FRMD4A: variants seen among roughly 807,000 people sequenced by gnomAD.
FRMD4A encodes FERM domain containing 4A.
A neutral mutation model predicts 129.1 loss-of-function variants in FRMD4A; 29 were observed. The observed-to-expected ratio is 0.22, with a 90% CI of 0.17 to 0.31. FRMD4A has a LOEUF of 0.31. Ranked by LOEUF, FRMD4A falls within the 10% of genes least tolerant of loss-of-function variation. The probability of loss-of-function intolerance (pLI) is 1.00; values close to 1 mark genes in which losing one functional copy is unlikely to be tolerated. For synonymous variants in FRMD4A, 634 were observed against 571.6 expected (o/e 1.11, Z -1.56); for missense variants, 1,272 against 1,375.8 (o/e 0.92, Z 1.19).
At chr10:14,281,076 T>A (rs889148600) in intron 2 of FRMD4A, among the ~76,000 whole-genome samples, 1 of 126,606 alleles carries the variant, frequency 7.9e-6, no homozygotes, top group Non-Finnish European at 1.6e-5. Context: ...CACCACAACC[T>A]CCACCTCCTG....
intron 2 of FRMD4A, among the ~76,000 whole-genome samples, chr10:14,310,899 T>C (rs1188601428): frequency 1.3e-5 from 2 of 152,284 alleles, no homozygotes; most frequent in East Asian, 3.9e-4. Flanking sequence ...TGTTAAACTT[T>C]CTGCTCTTAA....
chr10:14,092,315 A>C lies in FRMD4A; in HGVS notation c.46-233403T>G, dbSNP rs138349088. Among the ~76,000 whole-genome samples the C allele has an allele frequency of 4.4e-3, 673 of 152,328 alleles. 3 individuals carry two copies. Among genetic ancestry groups the C allele is most frequent in the African/African-American group, 0.015 (637 of 41,576 alleles). On this transcript the variant is annotated intron_variant, in intron 2 of 24. Transcript: ENST00000357447. ...AGCATCAACCTGCCTATGGACAGTG[A>C]TTGAAAGCATTTCACTCCAAATTGA...
At chr10:14,203,956 G>T (rs1043069076) in intron 2 of FRMD4A, among the ~76,000 whole-genome samples, 2 of 152,222 alleles carry the variant, frequency 1.3e-5, no homozygotes, top group Non-Finnish European at 2.9e-5. Context: ...CCAACAGATT[G>T]TCAGTAACAA....
At chr10:13,776,446 A>G (rs2092598641) in intron 6 of FRMD4A, among the ~76,000 whole-genome samples, 1 of 152,214 alleles carries the variant, frequency 6.6e-6, no homozygotes, top group African/African-American at 2.4e-5. Flanking sequence ...TCAACAACCT[A>G]AAAGTGAATC....
chr10:13,715,084 C>T (rs546551171), intron 12 of FRMD4A, among the ~76,000 whole-genome samples: 10 of 152,160 alleles, frequency 6.6e-5, no homozygotes, highest in African/African-American at 2.2e-4. Flanking sequence ...CGCGCTGCCT[C>T]ATTCACATAT....
chr10:13,770,180 G>A (rs1000874672), intron 6 of FRMD4A, among the ~76,000 whole-genome samples: 10 of 152,020 alleles, frequency 6.6e-5, no homozygotes, highest in Non-Finnish European at 1.2e-4. Flanking sequence ...ATTTGCCCCC[G>A]GGGCAAACAG....
At chr10:14,044,462 G>C (rs779202512) in intron 2 of FRMD4A, among the ~76,000 whole-genome samples, 11 of 152,210 alleles carry the variant, frequency 7.2e-5, no homozygotes, top group Non-Finnish European at 1.5e-4. Flanking sequence ...TCCTGGATTA[G>C]GGTGGGCCCT....
At chr10:14,168,031 C>G (rs1571139) in intron 2 of FRMD4A, among the ~76,000 whole-genome samples, 1 of 152,184 alleles carries the variant, frequency 6.6e-6, no homozygotes, top group Non-Finnish European at 1.5e-5. Context: ...AGGACCAAGA[C>G]TCTTCACTTT....
chr10:13,919,492 T>A (rs12763002), intron 2 of FRMD4A, among the ~76,000 whole-genome samples: 13,134 of 152,162 alleles, frequency 0.086, 673 homozygotes, highest in East Asian at 0.25. Flanking sequence ...TGCTTCATAG[T>A]GAGATTATAT....
chr10:14,210,859 C>G (rs1564389873), intron 2 of FRMD4A, among the ~76,000 whole-genome samples: 1 of 152,216 alleles, frequency 6.6e-6, no homozygotes, highest in Non-Finnish European at 1.5e-5. Flanking sequence ...TACCAAGTAG[C>G]TGGGACTACA....
intron 2 of FRMD4A, among the ~76,000 whole-genome samples, chr10:13,862,137 G>A (rs2094303197): frequency 6.6e-6 from 1 of 151,896 alleles, no homozygotes; most frequent in East Asian, 1.9e-4. Context: ...AGTCTCGACA[G>A]AGAATAGGGG....
intron 2 of FRMD4A, among the ~76,000 whole-genome samples, chr10:14,009,195 T>C (rs553066917): frequency 3.3e-5 from 5 of 152,338 alleles, no homozygotes; most frequent in South Asian, 4.1e-4. Flanking sequence ...TTTTCTGTAA[T>C]ATTTTCCCCT....
intron 2 of FRMD4A, among the ~76,000 whole-genome samples, chr10:14,057,924 T>C (rs1211704570): frequency 1.3e-5 from 2 of 152,214 alleles, no homozygotes; most frequent in East Asian, 1.9e-4. Context: ...AAATTCAGTT[T>C]GCGTGTCTGC....
At chr10:14,264,938 T>A (rs1844926896) in intron 2 of FRMD4A, among the ~76,000 whole-genome samples, 1 of 152,154 alleles carries the variant, frequency 6.6e-6, no homozygotes. Flanking sequence ...CTCACCACCA[T>A]GCCTGGCTAA....
intron 16 of FRMD4A, among the ~76,000 whole-genome samples, chr10:13,673,423 G>C (rs970841210): frequency 6.6e-6 from 1 of 152,112 alleles, no homozygotes; most frequent in Non-Finnish European, 1.5e-5. Flanking sequence ...AGGGGTATAC[G>C]TCTCTTTGAC....
At chr10:13,714,492 C>A (rs2088578833) in intron 12 of FRMD4A, among the ~76,000 whole-genome samples, 1 of 151,858 alleles carries the variant, frequency 6.6e-6, no homozygotes, top group African/African-American at 2.4e-5. Flanking sequence ...GGGTTTCAGG[C>A]AGCATTGAAT....
intron 2 of FRMD4A, among the ~76,000 whole-genome samples, chr10:14,137,734 T>A (rs1013519075): frequency 6.6e-6 from 1 of 152,232 alleles, no homozygotes; most frequent in African/African-American, 2.4e-5. Flanking sequence ...ATTGCATATA[T>A]GTTTTTCCCA....
intron 15 of FRMD4A, among the ~76,000 whole-genome samples, chr10:13,680,233 C>T (rs1420619550): frequency 6.7e-6 from 1 of 150,344 alleles, no homozygotes; most frequent in African/African-American, 2.5e-5. Context: ...AAGGAGGGAG[C>T]ATCCCTTGAA....
intron 9 of FRMD4A, among the ~76,000 whole-genome samples, chr10:13,745,170 T>C (rs1485650873): frequency 1.3e-5 from 2 of 152,202 alleles, no homozygotes; most frequent in East Asian, 3.8e-4. Context: ...AGAGTATATA[T>C]ACGTGAAAAA....
Sources: allele counts gnomAD v4.1 joint callset (sites outside exome capture counted in the v4.1 genomes callset), GRCh38; gene constraint gnomAD v4.1.1; transcripts MANE v1.5; gene names NCBI Gene and HGNC (gene_info 2026-07-23, HGNC 2026-07-21).